Variants in CLIC5 observed in about 807,000 individuals in gnomAD.
CLIC5 encodes the protein chloride intracellular channel protein 5.
CLIC5 carries 20 observed loss-of-function variants against 24.7 expected under a neutral mutation model. That is an observed-to-expected ratio of 0.81 (90% CI 0.57 to 1.18). CLIC5 has a LOEUF of 1.18. CLIC5 is among the 50% of genes most tolerant of loss of function. The probability of loss-of-function intolerance (pLI) is 0.00; values close to 1 mark genes in which losing one functional copy is unlikely to be tolerated. For synonymous variants in CLIC5, 159 were observed against 135.6 expected, an observed-to-expected ratio of 1.17 and a Z score of -1.20; for missense variants, 341 against 326.1, an observed-to-expected ratio of 1.05 and a Z score of -0.35.
chr6:46,090,984 C>G, the CLIC5 span, among the ~76,000 whole-genome samples: 46 of 152,264 alleles, frequency 3.0e-4, 1 homozygote, highest in Non-Finnish European at 1.5e-4. Context: ...GTTTAGGTAC[C>G]TCACCTCCAT....
At chr6:46,043,862 A>T (rs539543833) in intron 1 of CLIC5, among the ~76,000 whole-genome samples, 16 of 152,348 alleles carry the variant, frequency 1.1e-4, no homozygotes, top group Non-Finnish European at 2.4e-4. Flanking sequence ...TGCAGAGGGC[A>T]GCAGAGTTTA....
the CLIC5 span, among the ~76,000 whole-genome samples, chr6:46,101,941 G>A: frequency 2.1e-5 from 3 of 145,214 alleles, no homozygotes; most frequent in Non-Finnish European, 4.5e-5. Flanking sequence ...CTCATTCCAG[G>A]TACATTCTAG....
chr6:46,052,383 G>A (rs1307784462), intron 1 of CLIC5, among the ~76,000 whole-genome samples: 2 of 152,182 alleles, frequency 1.3e-5, no homozygotes, highest in African/African-American at 2.4e-5. Context: ...GAGTAGAGAA[G>A]TAGGAAAAGG....
chr6:45,973,654 G>C (rs1441429528), intron 1 of CLIC5, among the ~76,000 whole-genome samples: 2 of 152,202 alleles, frequency 1.3e-5, no homozygotes, highest in African/African-American at 2.4e-5. Flanking sequence ...TAGCAGAATA[G>C]GTGGCCGGGC....
At chr6:46,121,410 C>T in the CLIC5 span, among the ~76,000 whole-genome samples, 1,127 of 152,238 alleles carry the variant, frequency 7.4e-3, 14 homozygotes, top group African/African-American at 0.026. Flanking sequence ...CAGGCCTGCC[C>T]TAAAAGAGCT....
chr6:46,095,223 G>A, the CLIC5 span, among the ~76,000 whole-genome samples: 1 of 151,704 alleles, frequency 6.6e-6, no homozygotes, highest in East Asian at 1.9e-4. Flanking sequence ...CTGCCATAAA[G>A]GTCTCTGAAA....
At chr6:45,906,574 T>G (rs1762665593) in intron 5 of CLIC5, among the ~76,000 whole-genome samples, 1 of 152,028 alleles carries the variant, frequency 6.6e-6, no homozygotes, top group Non-Finnish European at 1.5e-5. Flanking sequence ...CTTTTTTTTT[T>G]TTTTTGAGAT....
chr6:46,128,299 G>T, the CLIC5 span, among the ~76,000 whole-genome samples: 1 of 152,168 alleles, frequency 6.6e-6, no homozygotes, highest in African/African-American at 2.4e-5. Context: ...CCATCCAGCT[G>T]CTATCTTCAC....
At chr6:45,941,140 G>A (rs959530459) in intron 4 of CLIC5, among the ~76,000 whole-genome samples, 1 of 152,172 alleles carries the variant, frequency 6.6e-6, no homozygotes, top group Non-Finnish European at 1.5e-5. Flanking sequence ...AAAAATCCCT[G>A]GAGAAACCTT....
intron 6 of CLIC5, among the ~76,000 whole-genome samples, chr6:45,886,588 C>G (rs886971100): frequency 6.6e-6 from 1 of 152,090 alleles, no homozygotes; most frequent in African/African-American, 2.4e-5. Flanking sequence ...GAGGATTAGC[C>G]AAGTGCCCCA....
chr6:46,085,739 T>G, the CLIC5 span, among the ~76,000 whole-genome samples: 216 of 152,360 alleles, frequency 1.4e-3, no homozygotes, highest in Middle Eastern at 6.8e-3. Context: ...CTGCCCGTTC[T>G]CAGATCTCCA....
the CLIC5 span, among the ~76,000 whole-genome samples, chr6:46,088,161 C>CTGTGTGTGTG: frequency 0.084 from 12,271 of 146,324 alleles, 549 homozygotes; most frequent in East Asian, 0.15. Context: ...CGCTCTCTTT[C>CTGTGTGTGTG]TGTGTGTGTG....
intron 4 of CLIC5, among the ~76,000 whole-genome samples, chr6:45,939,088 G>A (rs1764038125): frequency 6.6e-6 from 1 of 152,214 alleles, no homozygotes; most frequent in East Asian, 1.9e-4. Flanking sequence ...GTATTAGTAG[G>A]TGTCCTTCCT....
At chr6:46,098,227 T>A in the CLIC5 span, among the ~76,000 whole-genome samples, 1 of 152,240 alleles carries the variant, frequency 6.6e-6, no homozygotes, top group East Asian at 1.9e-4. Context: ...GTTTTGTAGG[T>A]ATCTTTTTCT....
At chr6:46,107,379 C>G in the CLIC5 span, among the ~76,000 whole-genome samples, 3 of 152,188 alleles carry the variant, frequency 2.0e-5, no homozygotes, top group East Asian at 3.8e-4. Context: ...GTTGTGCCTT[C>G]CGGCCTTGCT....
At chr6:45,939,293 A>C (rs1392149071) in intron 4 of CLIC5, among the ~76,000 whole-genome samples, 2 of 134,038 alleles carry the variant, frequency 1.5e-5, no homozygotes, top group African/African-American at 5.8e-5. Context: ...GGCTCATTGC[A>C]ACCTTCGCCT....
chr6:46,069,675 A>G (rs1417340732), intron 1 of CLIC5, among the ~76,000 whole-genome samples: 1 of 152,142 alleles, frequency 6.6e-6, no homozygotes, highest in Non-Finnish European at 1.5e-5. Flanking sequence ...TTCCTACTAA[A>G]ACTTCCAAAA....
At chr6:46,060,224 T>C (rs1348758826) in intron 1 of CLIC5, among the ~76,000 whole-genome samples, 1 of 152,206 alleles carries the variant, frequency 6.6e-6, no homozygotes, top group African/African-American at 2.4e-5. Context: ...ATGAGTATTT[T>C]GGTAAGAAGA....
chr6:45,955,236 G>A lies in CLIC5; in HGVS notation c.72C>T (p.Ile24=), dbSNP rs543564500. 3.8e-5 allele frequency: 61 copies of A among 1,613,194 alleles called. 1 individual carries two copies. Among genetic ancestry groups the A allele is most frequent in the Non-Finnish European group, 2.7e-5 (32 of 1,179,308 alleles). ...PEIELFVKAG[I]DGESIGNCPF... ...GACAGTTGCCGATGCTTTCTCCATC[G>A]ATTCCAGCCTGGAAAGAAGAGAACC... Residue 24 remains isoleucine (I), a synonymous_variant, in exon 2 of 6, where the codon ATC becomes ATT. Coordinates refer to ENST00000339561, the MANE Select transcript of CLIC5 (RefSeq NM_016929.5).
Sources: allele counts gnomAD v4.1 joint callset (sites outside exome capture counted in the v4.1 genomes callset), GRCh38; gene constraint gnomAD v4.1.1; transcripts MANE v1.5; gene names NCBI Gene and HGNC (gene_info 2026-07-23, HGNC 2026-07-21).